The following AGBL4 variants were observed in gnomAD, a reference collection of about 807,000 sequenced individuals.
The protein encoded by AGBL4 is cytosolic carboxypeptidase 6.
Under a neutral mutation model 66.4 loss-of-function variants are expected in AGBL4, and 58 were observed. The ratio of observed to expected loss-of-function variants is 0.87; its 90% confidence interval spans 0.71 to 1.09. The LOEUF is 1.09. Ranked by LOEUF, AGBL4 falls within the 50% of genes least tolerant of loss-of-function variation. The pLI is 0.00. For missense variants in AGBL4, 579 were observed against 631.0 expected (o/e 0.92, Z 0.88); for synonymous variants, 234 against 222.9 (o/e 1.05, Z -0.44).
At chr1:48,693,198 G>A (rs901852390) in intron 6 of AGBL4, among the ~76,000 whole-genome samples, 10 of 152,158 alleles carry the variant, frequency 6.6e-5, no homozygotes, top group African/African-American at 1.2e-4. Flanking sequence ...GCAAGTCCCC[G>A]GACCCTGGGC....
At chr1:48,577,893 T>C (rs778450772) in intron 11 of AGBL4, among the ~76,000 whole-genome samples, 1 of 152,110 alleles carries the variant, frequency 6.6e-6, no homozygotes, top group Non-Finnish European at 1.5e-5. Context: ...ACTGGGAAGA[T>C]TACAGAGCAG....
At chr1:49,854,838 C>T (rs1318893780) in intron 1 of AGBL4, among the ~76,000 whole-genome samples, 2 of 152,186 alleles carry the variant, frequency 1.3e-5, no homozygotes, top group Non-Finnish European at 1.5e-5. Context: ...AGCCTGAAAA[C>T]CATCTTCCCT....
chr1:49,636,549 G>A (rs1324474450), intron 3 of AGBL4, among the ~76,000 whole-genome samples: 3 of 152,084 alleles, frequency 2.0e-5, no homozygotes, highest in Non-Finnish European at 4.4e-5. Context: ...AAATGAGAAT[G>A]AACAAACATC....
At chr1:48,869,861 C>A (rs1037038402) in intron 5 of AGBL4, among the ~76,000 whole-genome samples, 2 of 152,150 alleles carry the variant, frequency 1.3e-5, no homozygotes, top group Admixed American at 6.5e-5. Flanking sequence ...GTCTTTCTCA[C>A]TAGATGAGGA....
intron 2 of AGBL4, among the ~76,000 whole-genome samples, chr1:49,767,746 G>A (rs1643928228): frequency 6.6e-6 from 1 of 151,852 alleles, no homozygotes; most frequent in South Asian, 2.1e-4. Flanking sequence ...AGCACAATCA[G>A]AAATGACAAA....
chr1:48,649,709 CT>C (rs1645896813), intron 8 of AGBL4, among the ~76,000 whole-genome samples: 1 of 152,142 alleles, frequency 6.6e-6, no homozygotes, highest in African/African-American at 2.4e-5. Context: ...CTAAACTTAG[CT>C]GATGAAATCT....
Position 48,819,326 on chromosome 1 carries a change from A to G in AGBL4, c.634+47865T>C, listed in dbSNP as rs1646259212. ...TGGGTGCATGAAAAGGAGTGATAAA[A>G]GGGGTCATTAGGCCAGATTCTGAAG... On this transcript the variant is annotated intron_variant, in intron 6 of 13. Transcript: ENST00000371839. Among the ~76,000 whole-genome samples, 3 of 152,184 alleles carry G rather than the reference A, an allele frequency of 2.0e-5. No homozygotes were observed. In the South Asian group the frequency reaches 6.2e-4, roughly 32 times the overall value.
At chr1:49,018,258 G>A (rs1662971012) in intron 5 of AGBL4, among the ~76,000 whole-genome samples, 1 of 152,122 alleles carries the variant, frequency 6.6e-6, no homozygotes, top group South Asian at 2.1e-4. Flanking sequence ...TTGTTGTCCT[G>A]GGTTAGAAGG....
intron 5 of AGBL4, among the ~76,000 whole-genome samples, chr1:49,024,111 G>C (rs1209864257): frequency 6.6e-6 from 1 of 152,046 alleles, no homozygotes; most frequent in African/African-American, 2.4e-5. Context: ...GATAAGTTGA[G>C]TTTACTAACA....
chr1:48,643,722 C>T (rs1056021427), intron 8 of AGBL4, among the ~76,000 whole-genome samples: 4 of 152,232 alleles, frequency 2.6e-5, no homozygotes, highest in African/African-American at 4.8e-5. Context: ...TCCATTCCCT[C>T]GTTTTCTCTT....
chr1:49,908,776 G>A (rs568251415), intron 1 of AGBL4, among the ~76,000 whole-genome samples: 2 of 152,006 alleles, frequency 1.3e-5, no homozygotes, highest in Admixed American at 6.6e-5. Flanking sequence ...AAAAAAGGGG[G>A]TGGGTCTCAA....
At chr1:49,127,605 T>C (rs1645792435) in intron 4 of AGBL4, among the ~76,000 whole-genome samples, 1 of 151,984 alleles carries the variant, frequency 6.6e-6, no homozygotes, top group Non-Finnish European at 1.5e-5. Flanking sequence ...TAAAACTCCA[T>C]GAGGGCAGGC....
At chr1:49,899,499 CAAAAAAA>C (rs781480960) in intron 1 of AGBL4, among the ~76,000 whole-genome samples, 3 of 139,004 alleles carry the variant, frequency 2.2e-5, no homozygotes, top group African/African-American at 7.9e-5. Flanking sequence ...TATATATCCA[CAAAAAAA>C]AAAAAGAAAA....
intron 9 of AGBL4, among the ~76,000 whole-genome samples, chr1:48,597,630 T>G (rs79147315): frequency 1.4e-5 from 2 of 141,860 alleles, no homozygotes; most frequent in Non-Finnish European, 3.0e-5. Context: ...GAAATGGAGA[T>G]AAAGATTTTC....
chr1:49,125,758 G>A (rs1465341161), intron 4 of AGBL4, among the ~76,000 whole-genome samples: 1 of 152,104 alleles, frequency 6.6e-6, no homozygotes, highest in African/African-American at 2.4e-5. Context: ...CTCAGAGAGG[G>A]TAGATGACTT....
At position 49,524,229 on chromosome 1, in the gene AGBL4, G is replaced by T. The variant is rs149397365; in HGVS notation, c.282+173084C>A. On this transcript the variant is annotated intron_variant, in intron 3 of 13. Coordinates refer to ENST00000371839, the MANE Select transcript of AGBL4 (RefSeq NM_032785.4). The stretch of plus-strand genomic sequence containing the variant: ...AATAATAATAAAGAATACTTTCTAT[G>T]TACCAGATTCTGTTCTACATACATT... 1.4e-3 allele frequency among the ~76,000 whole-genome samples: 215 copies of T among 152,196 alleles called. 1 individual carries two copies. The highest frequency in any genetic ancestry group is 6.8e-3 in the Middle Eastern group (2 of 294).
intron 3 of AGBL4, among the ~76,000 whole-genome samples, chr1:49,393,198 A>C (rs1204301938): frequency 6.6e-6 from 1 of 152,228 alleles, no homozygotes; most frequent in East Asian, 1.9e-4. Context: ...AGTAATGGTT[A>C]TTATAGTATT....
chr1:48,594,490 T>C (rs747510577), intron 9 of AGBL4, among the ~76,000 whole-genome samples: 6 of 152,254 alleles, frequency 3.9e-5, no homozygotes, highest in Non-Finnish European at 5.9e-5. Context: ...CCTTTATGTG[T>C]AATATAAAGA....
At chr1:48,973,182 G>A (rs1038992699) in intron 5 of AGBL4, among the ~76,000 whole-genome samples, 1 of 152,054 alleles carries the variant, frequency 6.6e-6, no homozygotes, top group Non-Finnish European at 1.5e-5. Context: ...TTTTCACTAA[G>A]TTATTGTGGT....
Sources: gnomAD v4.1 joint callset for allele counts (sites outside exome capture counted in the v4.1 genomes callset) on GRCh38, gnomAD v4.1.1 for gene constraint, MANE v1.5 for transcripts, NCBI Gene and HGNC (gene_info 2026-07-23, HGNC 2026-07-21) for gene names.